VDAC1: variants seen among roughly 807,000 people sequenced by gnomAD.
VDAC1 encodes the protein non-selective voltage-gated ion channel VDAC1.
A neutral mutation model predicts 34.7 loss-of-function variants in VDAC1; 10 were observed. That is an observed-to-expected ratio of 0.29 (90% confidence interval 0.18 to 0.49). The LOEUF is 0.49. Ranked by LOEUF, VDAC1 falls within the 20% of genes least tolerant of loss-of-function variation. The pLI, the probability that VDAC1 is intolerant of heterozygous loss-of-function variation, is 0.99. For synonymous variants in VDAC1, 130 were observed against 136.0 expected (o/e 0.96, Z 0.30); for missense variants, 230 against 347.9 (o/e 0.66, Z 2.69).
chr5:134,025,857 A>C, the VDAC1 span, among the ~76,000 whole-genome samples: 7 of 152,020 alleles, frequency 4.6e-5, no homozygotes, highest in South Asian at 1.5e-3. Flanking sequence ...CAGCCTCCCA[A>C]ATGGAGGTGA....
chr5:133,972,363 T>A lies in VDAC1; in HGVS notation c.*408A>T. 1 of 375,774 alleles carries A rather than the reference T, an allele frequency of 2.7e-6. No homozygotes were observed. Among genetic ancestry groups the A allele is most frequent in the South Asian group, 1.1e-4 (1 of 8,756 alleles). 23.3% of individuals were successfully genotyped at this position (375,774 alleles called of 1,614,324 possible). ...TCTAAAAAAGTCCCATTCAGGTGAG[T>A]TTGTACACACCATCAAGCAGCGAGC... On this transcript the variant is annotated 3_prime_UTR_variant, in exon 9 of 9. Coordinates refer to ENST00000265333, the MANE Select transcript of VDAC1 (RefSeq NM_003374.3).
the VDAC1 span, among the ~76,000 whole-genome samples, chr5:134,083,190 CTTTT>C: frequency 1.6e-5 from 2 of 125,530 alleles, no homozygotes; most frequent in Admixed American, 1.6e-4. Context: ...CTTTTTTTTT[CTTTT>C]TTTTTTTTTT....
chr5:134,057,053 G>A, the VDAC1 span, among the ~76,000 whole-genome samples: 1 of 152,028 alleles, frequency 6.6e-6, no homozygotes, highest in Non-Finnish European at 1.5e-5. Context: ...TGTGTCTTTT[G>A]GCTGGGCACA....
the VDAC1 span, among the ~76,000 whole-genome samples, chr5:134,091,398 G>C: frequency 3.2e-4 from 49 of 152,158 alleles, no homozygotes; most frequent in Non-Finnish European, 3.4e-4. Context: ...ATCATCATGC[G>C]TGGTCAGATT....
At chr5:134,062,177 G>C in the VDAC1 span, among the ~76,000 whole-genome samples, 1 of 151,310 alleles carries the variant, frequency 6.6e-6, no homozygotes, top group Non-Finnish European at 1.5e-5. Context: ...AGTAGAGATG[G>C]GGTTTCACTA....
chr5:134,113,771 G>C, the VDAC1 span, among the ~76,000 whole-genome samples: 1 of 152,280 alleles, frequency 6.6e-6, no homozygotes, highest in Admixed American at 6.5e-5. Flanking sequence ...CGCAAATCTA[G>C]ATGTTTCAGC....
chr5:134,044,836 G>C, the VDAC1 span, among the ~76,000 whole-genome samples: 8 of 152,200 alleles, frequency 5.3e-5, no homozygotes, highest in African/African-American at 1.9e-4. Flanking sequence ...CCAGAGCTAG[G>C]GGCACAGAAG....
At chr5:134,037,242 G>C in the VDAC1 span, among the ~76,000 whole-genome samples, 1 of 152,202 alleles carries the variant, frequency 6.6e-6, no homozygotes, top group South Asian at 2.1e-4. Flanking sequence ...ATGCCCACCA[G>C]ATGGAAAATG....
the VDAC1 span, among the ~76,000 whole-genome samples, chr5:134,089,788 G>A: frequency 2.0e-5 from 3 of 152,168 alleles, no homozygotes; most frequent in South Asian, 2.1e-4. Context: ...TCAGGAGTTC[G>A]AGACCAGCCT....
the VDAC1 span, among the ~76,000 whole-genome samples, chr5:134,049,977 G>A: frequency 1.3e-5 from 2 of 152,150 alleles, no homozygotes; most frequent in Non-Finnish European, 1.5e-5. Context: ...CCGCCCAGGC[G>A]CGGTGGCTCA....
chr5:134,041,510 G>C, the VDAC1 span, among the ~76,000 whole-genome samples: 49 of 152,322 alleles, frequency 3.2e-4, no homozygotes, highest in African/African-American at 1.1e-3. Flanking sequence ...ATGGTCCCAG[G>C]ACCAGCTGCT....
chr5:134,067,429 A>AT, the VDAC1 span, among the ~76,000 whole-genome samples: 3 of 24,182 alleles, frequency 1.2e-4, no homozygotes, highest in African/African-American at 7.8e-4. Context: ...TACATATTCT[A>AT]AAAAAAAAAA....
chr5:134,006,351 G>C (rs563984367), upstream of VDAC1, among the ~76,000 whole-genome samples: 43 of 152,180 alleles, frequency 2.8e-4, no homozygotes, highest in Non-Finnish European at 3.7e-4. Flanking sequence ...GAACCCCACA[G>C]GGCTAGGAAC....
intron 1 of VDAC1, among the ~76,000 whole-genome samples, chr5:133,993,423 A>G (rs1753179768): frequency 6.6e-6 from 1 of 152,256 alleles, no homozygotes; most frequent in Non-Finnish European, 1.5e-5. Flanking sequence ...AATGTCAGCT[A>G]CTAGGACATT....
the VDAC1 span, among the ~76,000 whole-genome samples, chr5:134,038,947 C>CA: frequency 1.3e-5 from 2 of 151,844 alleles, no homozygotes; most frequent in African/African-American, 2.4e-5. Flanking sequence ...ATAGAGGGCC[C>CA]ATGGAAATGC....
At chr5:133,982,433 A>C (rs1194880343) in intron 5 of VDAC1, among the ~76,000 whole-genome samples, 1 of 148,880 alleles carries the variant, frequency 6.7e-6, no homozygotes, top group Admixed American at 6.8e-5. Context: ...AAACGCTTGA[A>C]CCCGGGAGGC....
the VDAC1 span, among the ~76,000 whole-genome samples, chr5:134,027,283 C>T: frequency 2.0e-5 from 3 of 152,308 alleles, no homozygotes; most frequent in Admixed American, 6.5e-5. Flanking sequence ...CTCCCTCTCC[C>T]GCCCCATCAG....
intron 1 of VDAC1, among the ~76,000 whole-genome samples, chr5:133,997,830 G>C (rs1244604886): frequency 6.6e-6 from 1 of 151,982 alleles, no homozygotes; most frequent in African/African-American, 2.4e-5. Flanking sequence ...TTGGGAGGCC[G>C]AGGTGGGCGG....
the VDAC1 span, among the ~76,000 whole-genome samples, chr5:134,023,425 C>G: frequency 6.8e-6 from 1 of 147,000 alleles, no homozygotes; most frequent in Non-Finnish European, 1.5e-5. Flanking sequence ...CCATGGCACA[C>G]GTATACCTAT....
Sources: gnomAD v4.1 joint callset for allele counts (sites outside exome capture counted in the v4.1 genomes callset) on GRCh38, gnomAD v4.1.1 for gene constraint, MANE v1.5 for transcripts, NCBI Gene and HGNC (gene_info 2026-07-23, HGNC 2026-07-21) for gene names.